The following FNDC3A variants were observed in gnomAD, a reference collection of about 807,000 sequenced individuals.
The protein encoded by FNDC3A is fibronectin type-III domain-containing protein 3A.
A neutral mutation model predicts 148.9 loss-of-function variants in FNDC3A; 32 were observed. The ratio of observed to expected loss-of-function variants is 0.21; its 90% CI spans 0.16 to 0.29. FNDC3A has a LOEUF of 0.29. Ranked by LOEUF, FNDC3A falls within the 10% of genes least tolerant of loss-of-function variation. The pLI is 1.00. For missense variants in FNDC3A, 1,191 were observed against 1,452.8 expected, an observed-to-expected ratio of 0.82 and a Z score of 2.93; for synonymous variants, 472 against 473.6, an observed-to-expected ratio of 1.00 and a Z score of 0.04.
At chr13:49,030,614 TAAAG>T (rs1874040352) in intron 2 of FNDC3A, among the ~76,000 whole-genome samples, 2 of 152,216 alleles carry the variant, frequency 1.3e-5, no homozygotes, top group East Asian at 1.9e-4. Context: ...AAGAAAATCT[TAAAG>T]AATCCACTGA....
At chr13:49,024,773 A>G (rs1045398040) in intron 2 of FNDC3A, among the ~76,000 whole-genome samples, 1 of 152,032 alleles carries the variant, frequency 6.6e-6, no homozygotes, top group Non-Finnish European at 1.5e-5. Flanking sequence ...CCCACAACTA[A>G]TATCATGCTG....
At chr13:49,174,632 CT>C in intron 12 of FNDC3A, 73 bp downstream of exon 12, 1 of 1,317,202 alleles carries the variant, frequency 7.6e-7, no homozygotes, top group African/African-American at 1.5e-5. Flanking sequence ...TAATTATTTA[CT>C]GTCCAAATTA....
chr13:49,204,222 T>G (rs1886545402), intron 25 of FNDC3A, among the ~76,000 whole-genome samples: 1 of 152,228 alleles, frequency 6.6e-6, no homozygotes, highest in Admixed American at 6.5e-5. Context: ...AGCAGTGAGA[T>G]AGAGTGGAGT....
Position 49,187,310 on chromosome 13 carries a change from A to G in FNDC3A, c.1825+120A>G, listed in dbSNP as rs1431303711. Reference sequence around the variant, plus strand: ...CTTGCTTTTCATAAGGTACACCATAAAAAGATGTTCACTTCACTTTGGGTT... The same window carrying G: ...CTTGCTTTTCATAAGGTACACCATAGAAAGATGTTCACTTCACTTTGGGTT... On this transcript the variant is annotated intron_variant, in intron 16 of 25. Transcript: ENST00000492622. 3 of 920,502 alleles carry G rather than the reference A, an allele frequency of 3.3e-6. No individual in the cohort carries two copies. In the East Asian group the frequency reaches 7.8e-5, roughly 24 times the overall value. The allele number at this position is 920,502 out of a possible 1,614,324, so 57.0% of individuals were successfully genotyped here. A position where few individuals can be genotyped will look rare whatever the true frequency, so the allele number is the denominator to read the frequency against.
At chr13:49,129,369 A>AAGG (rs1881892507) in intron 4 of FNDC3A, among the ~76,000 whole-genome samples, 1 of 152,240 alleles carries the variant, frequency 6.6e-6, no homozygotes, top group South Asian at 2.1e-4. Context: ...TACAACTTAG[A>AAGG]AGGTAGTTTG....
At chr13:49,154,108 G>A (rs1245119969) in intron 8 of FNDC3A, among the ~76,000 whole-genome samples, 1 of 126,004 alleles carries the variant, frequency 7.9e-6, no homozygotes, top group Admixed American at 8.5e-5. Context: ...ATTACCTTGG[G>A]CAGTATGGCC....
chr13:49,111,878 A>G (rs1439200316), intron 3 of FNDC3A, among the ~76,000 whole-genome samples: 40 of 152,100 alleles, frequency 2.6e-4, no homozygotes, highest in Admixed American at 2.6e-3. Flanking sequence ...CTACTGGTTT[A>G]TTTTAGCTTA....
intron 16 of FNDC3A, 44 bp downstream of exon 16, chr13:49,187,234 CTCTT>C (rs1290321979): frequency 3.7e-6 from 5 of 1,335,472 alleles, no homozygotes; most frequent in African/African-American, 1.5e-5. Context: ...TCCAGCCAGT[CTCTT>C]TCTATTCTTT....
intron 2 of FNDC3A, among the ~76,000 whole-genome samples, chr13:49,073,646 T>C (rs1321621793): frequency 6.7e-6 from 1 of 149,274 alleles, no homozygotes; most frequent in African/African-American, 2.5e-5. Flanking sequence ...ATCCCCAAGA[T>C]ATCTCATTTC....
At chr13:49,135,701 A>G (rs545810649) in intron 5 of FNDC3A, among the ~76,000 whole-genome samples, 20 of 152,212 alleles carry the variant, frequency 1.3e-4, no homozygotes, top group Non-Finnish European at 1.9e-4. Context: ...GGACAATTGA[A>G]TTAATATTTA....
Position 49,207,293 on chromosome 13 carries a change from A to C in FNDC3A, c.3495A>C (p.Arg1165=). ...NRDTVESTRT[R]RALSDEQCAA... is the part of the protein sequence containing the mutation. ...ACACTGTGGAAAGCACAAGGACCCG[A>C]CGGGCACTGAGTGACGAGCAGTGTG... Residue 1165 remains arginine (R), a synonymous_variant, in exon 26 of 26, where the codon CGA becomes CGC. Coordinates refer to ENST00000492622, the MANE Select transcript of FNDC3A (RefSeq NM_001079673.2). The C allele has an allele frequency of 6.2e-7, 1 of 1,614,158 alleles. No individual in the cohort carries two copies. Among genetic ancestry groups the C allele is most frequent in the South Asian group, 1.1e-5 (1 of 91,084 alleles).
At chr13:49,044,695 G>T in intron 2 of FNDC3A, 1 of 248,072 alleles carries the variant, frequency 4.0e-6, no homozygotes, top group South Asian at 5.1e-5. Flanking sequence ...AGAAAAATCT[G>T]AGCTTGATTT....
At chr13:49,199,801 C>T (rs1187077365) in intron 23 of FNDC3A, among the ~76,000 whole-genome samples, 1 of 152,112 alleles carries the variant, frequency 6.6e-6, no homozygotes, top group Admixed American at 6.5e-5. Flanking sequence ...ATTATCTAGT[C>T]CCTTTGCTAA....
At position 49,025,516 on chromosome 13, in the gene FNDC3A, GCC is replaced by G. The variant is rs1347527085; in HGVS notation, c.99+19228_99+19229del. Among the ~76,000 whole-genome samples the G allele has an allele frequency of 2.0e-5, 3 of 151,984 alleles. No homozygotes were observed. The East Asian group carries it at 5.8e-4, about 29-fold the overall frequency. On this transcript the variant is annotated intron_variant, in intron 2 of 25. Coordinates refer to ENST00000492622, the MANE Select transcript of FNDC3A (RefSeq NM_001079673.2). ...CAAACATGTTATTGACCACTTAATA[GCC>G]TATATACCTATATAATACAGAAACT... is the stretch of plus-strand genomic sequence containing the variant.
chr13:49,122,561 T>C (rs1881423254), intron 4 of FNDC3A, among the ~76,000 whole-genome samples: 1 of 152,048 alleles, frequency 6.6e-6, no homozygotes, highest in Admixed American at 6.6e-5. Flanking sequence ...TCAAATTGTC[T>C]CTCTTTGCAG....
At chr13:48,979,099 G>A (rs989482203) in intron 1 of FNDC3A, among the ~76,000 whole-genome samples, 2 of 152,022 alleles carry the variant, frequency 1.3e-5, no homozygotes, top group African/African-American at 4.8e-5. Context: ...ATCTTTCAAT[G>A]TTTCCAATCA....
chr13:49,139,710 T>G (rs1321096952), intron 7 of FNDC3A, among the ~76,000 whole-genome samples: 5 of 152,230 alleles, frequency 3.3e-5, no homozygotes, highest in African/African-American at 1.2e-4. Flanking sequence ...AATGTAAATT[T>G]ACACAATTAT....
chr13:49,196,080 C>CAAAAAAAAAAAAAAA, intron 19 of FNDC3A, among the ~76,000 whole-genome samples: 1 of 71,558 alleles, frequency 1.4e-5, no homozygotes, highest in Non-Finnish European at 2.6e-5. Flanking sequence ...GACCTTGTCT[C>CAAAAAAAAAAAAAAA]AAAAAAAAAA....
intron 8 of FNDC3A, among the ~76,000 whole-genome samples, chr13:49,150,997 G>T (rs1188465867): frequency 6.6e-6 from 1 of 151,752 alleles, no homozygotes; most frequent in African/African-American, 2.4e-5. Context: ...CTGACATATG[G>T]TCTACCCTAA....
Sources: allele counts gnomAD v4.1 joint callset (sites outside exome capture counted in the v4.1 genomes callset), GRCh38; gene constraint gnomAD v4.1.1; transcripts MANE v1.5; gene names NCBI Gene and HGNC (gene_info 2026-07-23, HGNC 2026-07-21).